The following ASTN1 variants were observed in gnomAD, a reference collection of about 807,000 sequenced individuals.
The protein encoded by ASTN1 is astrotactin 1, also known as astrotactin-1.
ASTN1 carries 41 observed loss-of-function variants against 140.7 expected under a neutral mutation model. The ratio of observed to expected loss-of-function variants is 0.29; its 90% CI spans 0.23 to 0.38. ASTN1 has a LOEUF of 0.38. Among genes scored for constraint, ASTN1 ranks in the 10% least tolerant of loss-of-function variants. The pLI is 1.00. For synonymous variants in ASTN1, 640 were observed against 652.2 expected, an observed-to-expected ratio of 0.98 and a Z score of 0.29; for missense variants, 1,479 against 1,678.8, an observed-to-expected ratio of 0.88 and a Z score of 2.08.
intron 17 of ASTN1, among the ~76,000 whole-genome samples, chr1:176,891,594 G>C (rs913510868): frequency 1.3e-5 from 2 of 152,170 alleles, no homozygotes; most frequent in African/African-American, 4.8e-5. Flanking sequence ...GGGAGTTCGA[G>C]ACCAGCCTGA....
At chr1:176,906,436 A>T (rs1190265113) in intron 16 of ASTN1, among the ~76,000 whole-genome samples, 2 of 152,240 alleles carry the variant, frequency 1.3e-5, no homozygotes, top group African/African-American at 4.8e-5. Context: ...CTGATAAATA[A>T]GAAATAATGC....
downstream of ASTN1, among the ~76,000 whole-genome samples, chr1:176,857,814 A>T (rs982051869): frequency 3.9e-5 from 6 of 152,228 alleles, no homozygotes; most frequent in Admixed American, 3.3e-4. Context: ...TCATCAGGAC[A>T]AAACGGCATG....
intron 5 of ASTN1, among the ~76,000 whole-genome samples, 190 bp from the exon 6 acceptor site, chr1:177,024,922 T>A (rs1311347160): frequency 6.6e-6 from 1 of 151,894 alleles, no homozygotes; most frequent in East Asian, 1.9e-4. Context: ...TCAGTTGGAG[T>A]CAGAGGGGAC....
chr1:176,984,111 T>C (rs1225293413), intron 8 of ASTN1, among the ~76,000 whole-genome samples: 2 of 152,242 alleles, frequency 1.3e-5, no homozygotes, highest in Admixed American at 6.5e-5. Flanking sequence ...CTGTCCTCCA[T>C]ACCTCATCGA....
At chr1:176,929,963 G>A (rs965226245) in intron 16 of ASTN1, among the ~76,000 whole-genome samples, 13 of 152,092 alleles carry the variant, frequency 8.5e-5, no homozygotes, top group African/African-American at 1.4e-4. Context: ...AGCCAAGATC[G>A]CACCACTGCA....
chr1:177,008,727 G>A (rs925325167), intron 8 of ASTN1, among the ~76,000 whole-genome samples: 1 of 152,000 alleles, frequency 6.6e-6, no homozygotes, highest in Non-Finnish European at 1.5e-5. Flanking sequence ...TGATGAGAGA[G>A]AAAGAGAGAG....
intron 20 of ASTN1, among the ~76,000 whole-genome samples, chr1:176,878,173 T>C (rs1270685516): frequency 6.6e-6 from 1 of 152,160 alleles, no homozygotes; most frequent in African/African-American, 2.4e-5. Flanking sequence ...TCTGCCTAGA[T>C]TCAGGACACA....
chr1:176,971,909 G>A (rs1049368555), intron 8 of ASTN1, among the ~76,000 whole-genome samples: 6 of 152,090 alleles, frequency 3.9e-5, no homozygotes, highest in African/African-American at 1.4e-4. Context: ...ACAATCATGA[G>A]TTGCTCAATG....
chr1:177,161,094 G>C (rs1647333885), intron 1 of ASTN1, among the ~76,000 whole-genome samples: 1 of 152,186 alleles, frequency 6.6e-6, no homozygotes, highest in South Asian at 2.1e-4. Flanking sequence ...ATTGACTCCT[G>C]TTCTCTACTT....
At chr1:177,132,848 A>T (rs866227518) in intron 1 of ASTN1, among the ~76,000 whole-genome samples, 2 of 152,194 alleles carry the variant, frequency 1.3e-5, no homozygotes, top group Admixed American at 1.3e-4. Context: ...TTGCTTATGC[A>T]TTTCCCAAGT....
intron 16 of ASTN1, among the ~76,000 whole-genome samples, chr1:176,911,533 T>G (rs1469635621): frequency 2.0e-5 from 3 of 152,140 alleles, no homozygotes; most frequent in African/African-American, 7.2e-5. Flanking sequence ...TTTTTAAATT[T>G]TTATTTTTTT....
chr1:177,125,473 C>G (rs1459095111), intron 1 of ASTN1, among the ~76,000 whole-genome samples: 1 of 152,168 alleles, frequency 6.6e-6, no homozygotes, highest in Non-Finnish European at 1.5e-5. Flanking sequence ...AAAGTGAACA[C>G]CATTCCTTTA....
chr1:177,109,701 T>G (rs1680722927), intron 1 of ASTN1, among the ~76,000 whole-genome samples: 2 of 152,190 alleles, frequency 1.3e-5, no homozygotes, highest in Admixed American at 6.5e-5. Context: ...CCTTTCACAT[T>G]GTTTAAAAGC....
intron 1 of ASTN1, among the ~76,000 whole-genome samples, chr1:177,130,660 A>G (rs956034801): frequency 6.6e-6 from 1 of 152,156 alleles, no homozygotes; most frequent in Non-Finnish European, 1.5e-5. Context: ...CCCTTCAAGT[A>G]ATGCTCTAAA....
At chr1:176,902,788 C>T (rs939594708) in intron 16 of ASTN1, among the ~76,000 whole-genome samples, 1 of 152,178 alleles carries the variant, frequency 6.6e-6, no homozygotes, top group African/African-American at 2.4e-5. Context: ...CTTTATGAAT[C>T]ACAAACTTAG....
intron 1 of ASTN1, among the ~76,000 whole-genome samples, chr1:177,112,293 G>A (rs1180297110): frequency 6.6e-6 from 1 of 152,186 alleles, no homozygotes; most frequent in Non-Finnish European, 1.5e-5. Context: ...TGGCTTTTGT[G>A]TAAAGAGTCC....
intron 8 of ASTN1, among the ~76,000 whole-genome samples, chr1:177,006,121 A>T (rs921927731): frequency 6.6e-5 from 10 of 152,322 alleles, no homozygotes; most frequent in African/African-American, 1.9e-4. Flanking sequence ...TCCTCTAAAA[A>T]TAGCTTAAAA....
At chr1:176,979,330 C>T (rs1571598190) in intron 8 of ASTN1, among the ~76,000 whole-genome samples, 1 of 152,076 alleles carries the variant, frequency 6.6e-6, no homozygotes, top group Non-Finnish European at 1.5e-5. Context: ...GCTGACAGTC[C>T]CTAGAAGGGG....
rs1310821264 is a variant in ASTN1, at chr1:177,164,631, G to C, written c.46C>G (p.Pro16Ala). ...GCGGCCGTGGCCAGCACCGCCGCCG[G>C]CCCCCAGCAGCAGGCGAGCAGGGCG... is the stretch of plus-strand genomic sequence containing the variant. ...LCALLACCWG[P>A]AAVLATAAGD... The change falls in exon 1 of 23, where the codon CCG becomes GCG. Residue 16 changes from proline (P) to alanine (A), a missense_variant. Around this residue, in one of 3 missense-constraint regions of ASTN1, gnomAD observed 729 missense variants for 860.4 expected, o/e 0.85. Coordinates refer to ENST00000361833, the MANE Select transcript of ASTN1 (RefSeq NM_004319.3). 6.2e-7 allele frequency: 1 copy of C among 1,607,120 alleles called. No homozygotes were observed. The highest frequency in any genetic ancestry group is 1.3e-5 in the African/African-American group (1 of 74,842).
Sources: gnomAD v4.1 joint callset for allele counts (sites outside exome capture counted in the v4.1 genomes callset) on GRCh38, gnomAD v4.1.1 for gene constraint, gnomAD v4.1.1 regional missense constraint, MANE v1.5 for transcripts, NCBI Gene and HGNC (gene_info 2026-07-23, HGNC 2026-07-21) for gene names.